Variants in CFAP95 observed in about 807,000 individuals in gnomAD.
CFAP95 encodes the protein cilia- and flagella-associated protein 95.
chr9:69,895,434 A>T, the CFAP95 span, among the ~76,000 whole-genome samples: 1 of 148,252 alleles, frequency 6.7e-6, no homozygotes, highest in South Asian at 2.2e-4. Flanking sequence ...TCTTTGACTG[A>T]TACAGACACA....
the CFAP95 span, chr9:69,884,951 C>G: frequency 1.3e-5 from 2 of 152,122 alleles, no homozygotes; most frequent in African/African-American, 4.8e-5. Context: ...ATCAGAATCA[C>G]CTGAAGGGCT....
At chr9:69,873,766 T>C in the CFAP95 span, among the ~76,000 whole-genome samples, 1 of 152,172 alleles carries the variant, frequency 6.6e-6, no homozygotes, top group African/African-American at 2.4e-5. Flanking sequence ...GCCCCCCATC[T>C]AGACAAAACA....
chr9:69,879,648 C>A, the CFAP95 span, among the ~76,000 whole-genome samples: 4 of 152,160 alleles, frequency 2.6e-5, no homozygotes, highest in Non-Finnish European at 5.9e-5. Flanking sequence ...ACAGTTTATG[C>A]ACAGCCTCTA....
chr9:69,856,916 A>ATG, the CFAP95 span, among the ~76,000 whole-genome samples: 20 of 89,128 alleles, frequency 2.2e-4, no homozygotes, highest in East Asian at 5.8e-3. Flanking sequence ...TCCTCTTTAT[A>ATG]TGTGTTTTTT....
At chr9:69,868,187 A>G in the CFAP95 span, among the ~76,000 whole-genome samples, 1 of 152,236 alleles carries the variant, frequency 6.6e-6, no homozygotes, top group Non-Finnish European at 1.5e-5. Context: ...AATGGATTAA[A>G]GATTTAAGTG....
the CFAP95 span, chr9:69,857,954 A>T: frequency 4.3e-6 from 7 of 1,614,090 alleles, no homozygotes; most frequent in Non-Finnish European, 5.9e-6. Context: ...TCTTTCCTAG[A>T]CATCCACCGG....
At chr9:69,841,355 T>C in the CFAP95 span, among the ~76,000 whole-genome samples, 1 of 151,404 alleles carries the variant, frequency 6.6e-6, no homozygotes, top group African/African-American at 2.4e-5. Context: ...TGTACTCCGG[T>C]TTTATTGCCT....
chr9:69,866,627 A>C, the CFAP95 span, among the ~76,000 whole-genome samples: 1 of 152,232 alleles, frequency 6.6e-6, no homozygotes. Context: ...CCACTGATTC[A>C]AAAGCTACTC....
chr9:69,868,637 G>A, the CFAP95 span, among the ~76,000 whole-genome samples: 29 of 140,854 alleles, frequency 2.1e-4, no homozygotes, highest in African/African-American at 4.4e-4. Context: ...CAGCCTGAGT[G>A]ACAGAGTGAG....
chr9:69,894,546 A>C, the CFAP95 span, among the ~76,000 whole-genome samples: 1 of 152,204 alleles, frequency 6.6e-6, no homozygotes, highest in Non-Finnish European at 1.5e-5. Flanking sequence ...TACATGTATT[A>C]GCTCACTTAA....
At chr9:69,882,951 T>C in the CFAP95 span, among the ~76,000 whole-genome samples, 1 of 152,218 alleles carries the variant, frequency 6.6e-6, no homozygotes, top group Non-Finnish European at 1.5e-5. Flanking sequence ...ATCAGGGTAA[T>C]ACTGGCCTCT....
chr9:69,856,551 C>A, the CFAP95 span: 2 of 1,576,132 alleles, frequency 1.3e-6, no homozygotes, highest in South Asian at 1.2e-5. Context: ...TTCTATGTTT[C>A]CAGATTTGGA....
At chr9:69,824,613 C>CT in the CFAP95 span, among the ~76,000 whole-genome samples, 1 of 151,580 alleles carries the variant, frequency 6.6e-6, no homozygotes, top group Non-Finnish European at 1.5e-5. Context: ...AAAATGGCCC[C>CT]TAAGCATCAT....
At chr9:69,835,601 G>A in the CFAP95 span, among the ~76,000 whole-genome samples, 1 of 152,230 alleles carries the variant, frequency 6.6e-6, no homozygotes, top group East Asian at 1.9e-4. Context: ...TTATATTAAG[G>A]TGACAGTAAC....
At chr9:69,833,514 A>G in the CFAP95 span, among the ~76,000 whole-genome samples, 5 of 152,210 alleles carry the variant, frequency 3.3e-5, no homozygotes, top group Non-Finnish European at 7.4e-5. Context: ...ATATATACAT[A>G]CTATTTAGTC....
the CFAP95 span, among the ~76,000 whole-genome samples, chr9:69,836,118 G>A: frequency 6.6e-6 from 1 of 152,152 alleles, no homozygotes; most frequent in Admixed American, 6.5e-5. Flanking sequence ...TGGTGTTAGA[G>A]GCCTTCTTAT....
chr9:69,832,290 A>T, the CFAP95 span, among the ~76,000 whole-genome samples: 1 of 152,138 alleles, frequency 6.6e-6, no homozygotes, highest in African/African-American at 2.4e-5. Context: ...AGAAAAATTT[A>T]GTCTGGAAAG....
At chr9:69,832,869 G>A in the CFAP95 span, among the ~76,000 whole-genome samples, 1 of 151,472 alleles carries the variant, frequency 6.6e-6, no homozygotes. Context: ...TTCTACTGGG[G>A]GCGTTGGGAA....
At chr9:69,899,723 T>G in the CFAP95 span, among the ~76,000 whole-genome samples, 5 of 152,182 alleles carry the variant, frequency 3.3e-5, no homozygotes, top group African/African-American at 1.2e-4. Flanking sequence ...GAGTCTGAAA[T>G]TTTGGGACAT....
Sources: allele counts gnomAD v4.1 joint callset (sites outside exome capture counted in the v4.1 genomes callset), GRCh38; gene constraint gnomAD v4.1.1; transcripts MANE v1.5; gene names NCBI Gene and HGNC (gene_info 2026-07-23, HGNC 2026-07-21).